IAH1: variants seen among roughly 807,000 people sequenced by gnomAD.
The protein encoded by IAH1 is isoamyl acetate-hydrolyzing esterase 1 homolog.
IAH1 carries 24 observed loss-of-function variants against 26.7 expected under a neutral mutation model. The observed-to-expected ratio is 0.90, with a 90% CI of 0.65 to 1.26. IAH1 has a LOEUF of 1.26. IAH1 is among the 50% of genes most tolerant of loss of function. The probability of loss-of-function intolerance (pLI) is 0.00; values close to 1 mark genes in which losing one functional copy is unlikely to be tolerated. For synonymous variants in IAH1, 140 were observed against 118.5 expected, an observed-to-expected ratio of 1.18 and a Z score of -1.18; for missense variants, 300 against 299.9, an observed-to-expected ratio of 1.00 and a Z score of 0.00.
downstream of IAH1, among the ~76,000 whole-genome samples, chr2:9,496,824 A>AC (rs1467184363): frequency 5.3e-5 from 8 of 152,030 alleles, no homozygotes; most frequent in East Asian, 9.6e-4. Flanking sequence ...ACCTCTACCT[A>AC]CCCACCCACT....
downstream of IAH1, among the ~76,000 whole-genome samples, chr2:9,499,814 G>T (rs1341797203): frequency 6.6e-6 from 1 of 152,134 alleles, no homozygotes; most frequent in African/African-American, 2.4e-5. Context: ...AGCCAAAATA[G>T]GACACAACTT....
chr2:9,474,850 G>C lies in IAH1; in HGVS notation c.81+203G>C. On this transcript the variant is annotated intron_variant, in intron 1 of 5. Coordinates refer to ENST00000497473, the MANE Select transcript of IAH1 (RefSeq NM_001039613.3). The surrounding 1 kb of genome is among the most constrained non-coding windows in gnomAD (Gnocchi z 4.3). Reference sequence around the variant, plus strand: ...CCGCGGCGTCCCGGAGGTCACGACGGCGTCCGCGAGAGCCCGGGCTCCAGG... The same window carrying C: ...CCGCGGCGTCCCGGAGGTCACGACGCCGTCCGCGAGAGCCCGGGCTCCAGG... 1.9e-6 allele frequency: 1 copy of C among 514,996 alleles called. No individual in the cohort carries two copies. Among genetic ancestry groups the C allele is most frequent in the Non-Finnish European group, 3.0e-6 (1 of 332,962 alleles). 31.9% of individuals were successfully genotyped at this position (514,996 alleles called of 1,614,324 possible).
chr2:9,490,404 C>T (rs374624230), downstream of IAH1: 3 of 1,614,130 alleles, frequency 1.9e-6, no homozygotes, highest in Non-Finnish European at 2.5e-6. Flanking sequence ...TTTGGAGCTG[C>T]TGGCGCCGAA....
chr2:9,507,964 G>A, the IAH1 span, among the ~76,000 whole-genome samples: 16 of 152,080 alleles, frequency 1.1e-4, no homozygotes, highest in Admixed American at 9.8e-4. Context: ...TGCCCACCTC[G>A]GCCTCTCAAA....
At chr2:9,501,890 A>G in the IAH1 span, among the ~76,000 whole-genome samples, 2 of 152,102 alleles carry the variant, frequency 1.3e-5, no homozygotes, top group Admixed American at 6.6e-5. Flanking sequence ...AAATAACACT[A>G]TATGATCTTT....
intron 3 of IAH1, among the ~76,000 whole-genome samples, chr2:9,479,795 C>CTTTTTTTTTTTTTTT (rs5829216): frequency 1.4e-5 from 1 of 69,870 alleles, no homozygotes; most frequent in African/African-American, 5.3e-5. Flanking sequence ...CTGTGTATTG[C>CTTTTTTTTTTTTTTT]TTTTTTTTTT....
chr2:9,483,626 C>T (rs983180278), intron 4 of IAH1, among the ~76,000 whole-genome samples: 1 of 152,116 alleles, frequency 6.6e-6, no homozygotes, highest in African/African-American at 2.4e-5. Context: ...CTCGCCAGCC[C>T]TCACTGTCCT....
the IAH1 span, among the ~76,000 whole-genome samples, chr2:9,507,277 G>A: frequency 1.3e-5 from 2 of 152,164 alleles, no homozygotes; most frequent in Non-Finnish European, 2.9e-5. Flanking sequence ...ATCACCTGAG[G>A]TCAGGAGTTT....
chr2:9,489,259 A>ATTTTTTTTTTTTTTTTTTTTTTTTTTT lies in IAH1; in HGVS notation c.*954_*955insTTTTTTTTTTTTTTTTTTTTTTTTTTT, dbSNP rs34525911. The ATTTTTTTTTTTTTTTTTTTTTTTTTTT allele has an allele frequency of 4.6e-5, 4 of 87,398 alleles. No homozygotes were observed. The highest frequency in any genetic ancestry group is 2.6e-4 in the African/African-American group (4 of 15,528). 5.4% of individuals were successfully genotyped at this position (87,398 alleles called of 1,614,324 possible). A position where few individuals can be genotyped will look rare whatever the true frequency, so the allele number is the denominator to read the frequency against. Reference sequence around the variant, plus strand: ...AATATTCTAGGTTTGTAGATAGTGAATTTTTTTTTTTTTTTTTTTTTTTTG... The same window carrying ATTTTTTTTTTTTTTTTTTTTTTTTTTT: ...AATATTCTAGGTTTGTAGATAGTGAATTTTTTTTTTTTTTTTTTTTTTTTTTTTTTTTTTTTTTTTTTTTTTTTTTTG... On this transcript the variant is annotated 3_prime_UTR_variant, in exon 6 of 6. Coordinates refer to ENST00000497473, the MANE Select transcript of IAH1 (RefSeq NM_001039613.3).
intron 2 of IAH1, among the ~76,000 whole-genome samples, chr2:9,477,961 T>C (rs1431961788): frequency 1.3e-5 from 2 of 152,230 alleles, no homozygotes; most frequent in Admixed American, 1.3e-4. Flanking sequence ...AGTCAGGTAG[T>C]CTGTAGACTT....
intron 4 of IAH1, among the ~76,000 whole-genome samples, chr2:9,482,064 C>T (rs1390726537): frequency 7.3e-6 from 1 of 136,812 alleles, no homozygotes; most frequent in African/African-American, 2.8e-5. Context: ...TAGAGTCTGG[C>T]TCTGTCAGCC....
downstream of IAH1, among the ~76,000 whole-genome samples, chr2:9,499,060 T>C (rs1041996436): frequency 6.6e-6 from 1 of 151,784 alleles, no homozygotes; most frequent in African/African-American, 2.4e-5. Context: ...AGCTCCCAGG[T>C]GATGCTGCTG....
At chr2:9,474,538 G>GGCCCT, upstream of IAH1, 2 of 1,293,726 alleles carry the variant, frequency 1.5e-6, no homozygotes, top group Non-Finnish European at 2.0e-6. This position sits in a 1 kb window ranked among gnomAD's most constrained non-coding sequence, Gnocchi z 4.3. Flanking sequence ...CGTGGCTGGC[G>GGCCCT]GCCCCGCCCC....
At chr2:9,494,925 A>C (rs75255515) in intron 6 of IAH1, 2 of 844,174 alleles carry the variant, frequency 2.4e-6, no homozygotes, top group African/African-American at 1.8e-5. Context: ...ACCAAGGAGT[A>C]GTTTCTGAGG....
chr2:9,497,489 A>C (rs986026901), downstream of IAH1, among the ~76,000 whole-genome samples: 1 of 152,208 alleles, frequency 6.6e-6, no homozygotes, highest in Non-Finnish European at 1.5e-5. Context: ...GTTAGAATGC[A>C]TGGTCTCCAC....
At chr2:9,475,135 C>T in intron 1 of IAH1, 1 of 1,280,056 alleles carries the variant, frequency 7.8e-7, no homozygotes, top group African/African-American at 1.5e-5. Flanking sequence ...AGTAAAACGC[C>T]TTCAGGAATT....
At chr2:9,495,655 G>A (rs533530580) in intron 6 of IAH1, among the ~76,000 whole-genome samples, 93 of 151,394 alleles carry the variant, frequency 6.1e-4, no homozygotes, top group Non-Finnish European at 9.6e-4. Context: ...CGGAGGCTGC[G>A]GTGACCTGAG....
downstream of IAH1, among the ~76,000 whole-genome samples, chr2:9,493,230 G>A (rs1005410093): frequency 2.0e-5 from 3 of 152,176 alleles, no homozygotes; most frequent in African/African-American, 7.2e-5. Flanking sequence ...CATGTTACCT[G>A]GAGTAGCTGT....
chr2:9,490,145 G>A (rs1661999466), downstream of IAH1: 3 of 1,528,990 alleles, frequency 2.0e-6, no homozygotes, highest in Non-Finnish European at 2.7e-6. Context: ...AAAATATTTT[G>A]CACACTTAAG....
Sources: allele counts gnomAD v4.1 joint callset (sites outside exome capture counted in the v4.1 genomes callset), GRCh38; gene constraint gnomAD v4.1.1; non-coding constraint Gnocchi (gnomAD v3.1); transcripts MANE v1.5; gene names NCBI Gene and HGNC (gene_info 2026-07-23, HGNC 2026-07-21).